The following PKP4 variants were observed in gnomAD, a reference collection of about 807,000 sequenced individuals.
PKP4 encodes plakophilin-4.
In PKP4, 90 loss-of-function variants were observed where a neutral mutation model predicts 145.1. That is an observed-to-expected ratio of 0.62 (90% confidence interval 0.52 to 0.74). The LOEUF (loss-of-function observed/expected upper bound fraction) is 0.74. Among genes scored for constraint, PKP4 ranks in the 30% least tolerant of loss-of-function variants. PKP4 has a pLI of 0.00. For synonymous variants in PKP4, 563 were observed against 577.2 expected, an observed-to-expected ratio of 0.98 and a Z score of 0.35; for missense variants, 1,340 against 1,482.7, an observed-to-expected ratio of 0.90 and a Z score of 1.58.
At chr2:158,631,318 A>G (rs2053336558) in intron 7 of PKP4, among the ~76,000 whole-genome samples, 1 of 152,126 alleles carries the variant, frequency 6.6e-6, no homozygotes, top group African/African-American at 2.4e-5. Context: ...TACTAGTTTT[A>G]GTGTTTAGAC....
chr2:158,648,048 G>T (rs1317397629), intron 11 of PKP4, among the ~76,000 whole-genome samples: 1 of 152,202 alleles, frequency 6.6e-6, no homozygotes, highest in Non-Finnish European at 1.5e-5. Context: ...CTGGAGGCCT[G>T]CTTTTTAATG....
intron 3 of PKP4, among the ~76,000 whole-genome samples, chr2:158,592,149 T>C (rs2049322306): frequency 1.3e-5 from 2 of 152,046 alleles, no homozygotes; most frequent in Non-Finnish European, 2.9e-5. Flanking sequence ...TTTTTTCTGC[T>C]TCATTCCCCT....
chr2:158,506,006 A>C (rs1463635128), intron 1 of PKP4, among the ~76,000 whole-genome samples: 1 of 152,192 alleles, frequency 6.6e-6, no homozygotes, highest in African/African-American at 2.4e-5. Context: ...AATAAGCCTG[A>C]ACTTTTTCCC....
intron 3 of PKP4, among the ~76,000 whole-genome samples, chr2:158,600,828 G>T (rs1462526632): frequency 6.6e-6 from 1 of 152,068 alleles, no homozygotes; most frequent in Non-Finnish European, 1.5e-5. Context: ...TTTTTCTAAT[G>T]ATTTATATAT....
intron 9 of PKP4, among the ~76,000 whole-genome samples, chr2:158,635,290 T>G (rs1046543033): frequency 1.3e-5 from 2 of 152,196 alleles, no homozygotes; most frequent in Non-Finnish European, 2.9e-5. Context: ...CTTATTCACT[T>G]CTATTCCTGA....
In PKP4 at chr2:158,661,436, G is replaced by A. The variant is rs150523614; in HGVS notation, c.2197G>A (p.Asp733Asn). ...YVIHTCVNTSDYDSKTVENCV... is the reference protein window; with the variant it reads ...YVIHTCVNTSNYDSKTVENCV... Reference sequence around the variant, plus strand: ...GATCCACACGTGTGTGAACACATCCGATTACGACAGCAAGGTCAGTGCCGG... The same window carrying A: ...GATCCACACGTGTGTGAACACATCCAATTACGACAGCAAGGTCAGTGCCGG... The change falls in exon 13 of 22, where the codon GAT (aspartate) becomes AAT (asparagine). Residue 733 changes from aspartate to asparagine, a missense_variant. Physicochemically the swap from Asp to Asn is conservative, Grantham distance 23 (BLOSUM62 1). Transcript: ENST00000389759. The A allele has an allele frequency of 1.6e-5, 25 of 1,609,334 alleles. No homozygotes were observed. The highest frequency in any genetic ancestry group is 1.1e-4 in the African/African-American group (8 of 74,824).
At chr2:158,585,987 T>C (rs1166289970) in intron 3 of PKP4, among the ~76,000 whole-genome samples, 3 of 151,998 alleles carry the variant, frequency 2.0e-5, no homozygotes, top group Non-Finnish European at 4.4e-5. Flanking sequence ...TGGATTTGCC[T>C]ATTCTCAACA....
At chr2:158,500,803 T>C (rs947425364) in intron 1 of PKP4, among the ~76,000 whole-genome samples, 2 of 152,224 alleles carry the variant, frequency 1.3e-5, no homozygotes, top group African/African-American at 4.8e-5. Flanking sequence ...GTCCTCATAT[T>C]CTGAGCTCCT....
At chr2:158,572,606 C>G (rs1296578712) in intron 2 of PKP4, among the ~76,000 whole-genome samples, 1 of 152,192 alleles carries the variant, frequency 6.6e-6, no homozygotes, top group Non-Finnish European at 1.5e-5. Flanking sequence ...CTTGCCAAAA[C>G]TACAACATTG....
chr2:158,617,884 CAG>C (rs1266073992), intron 4 of PKP4, among the ~76,000 whole-genome samples: 2 of 152,160 alleles, frequency 1.3e-5, no homozygotes, highest in Non-Finnish European at 2.9e-5. Flanking sequence ...ACTAAGGAAA[CAG>C]AAAAATAACT....
At chr2:158,633,846 T>C (rs1205297568) in intron 8 of PKP4, among the ~76,000 whole-genome samples, 1 of 152,244 alleles carries the variant, frequency 6.6e-6, no homozygotes, top group Non-Finnish European at 1.5e-5. Context: ...ATTTGTAGTT[T>C]CACTTTTGCT....
At chr2:158,635,024 A>C (rs2053687292) in intron 9 of PKP4, among the ~76,000 whole-genome samples, 1 of 122,170 alleles carries the variant, frequency 8.2e-6, no homozygotes, top group Non-Finnish European at 1.7e-5. Context: ...TTTCTGAAAG[A>C]GTGAAATTGT....
intron 1 of PKP4, among the ~76,000 whole-genome samples, chr2:158,505,747 T>C (rs187332182): frequency 9.7e-4 from 147 of 151,946 alleles, no homozygotes; most frequent in African/African-American, 3.4e-3. Context: ...CTCAGCAGAA[T>C]GAAGGAAGAG....
chr2:158,599,375 C>T (rs1383169541), intron 3 of PKP4, among the ~76,000 whole-genome samples: 3 of 152,316 alleles, frequency 2.0e-5, no homozygotes, highest in East Asian at 3.9e-4. Flanking sequence ...TAAACAAGGC[C>T]ACCTGCCATA....
intron 1 of PKP4, among the ~76,000 whole-genome samples, chr2:158,490,692 A>G (rs1380332430): frequency 6.6e-6 from 1 of 152,230 alleles, no homozygotes; most frequent in Non-Finnish European, 1.5e-5. Flanking sequence ...TAAGGAGGGC[A>G]TGAGTCTCTG....
intron 1 of PKP4, among the ~76,000 whole-genome samples, chr2:158,531,793 A>G (rs2043574505): frequency 6.6e-6 from 1 of 152,188 alleles, no homozygotes; most frequent in African/African-American, 2.4e-5. Flanking sequence ...TGCAGTTCAA[A>G]GTCTATCTAG....
chr2:158,476,540 A>G lies in PKP4; in HGVS notation c.-6+19322A>G, dbSNP rs184121590. On this transcript the variant is annotated intron_variant, in intron 1 of 21. Coordinates refer to ENST00000389759, the MANE Select transcript of PKP4 (RefSeq NM_003628.6). The stretch of plus-strand genomic sequence containing the variant: ...GAGACAGAATTTCGCTGTGTTGCCA[A>G]GGTTAGTCTTGAACTTCTGACCTCA... Among the ~76,000 whole-genome samples, 63 of 152,078 alleles carry G rather than the reference A, an allele frequency of 4.1e-4. No homozygotes were observed. In the East Asian group the frequency reaches 0.012, roughly 29 times the overall value.
chr2:158,586,073 G>A (rs184445334), intron 3 of PKP4, among the ~76,000 whole-genome samples: 1 of 151,948 alleles, frequency 6.6e-6, no homozygotes, highest in African/African-American at 2.4e-5. Flanking sequence ...AATTTTCAAG[G>A]TTCCTCCATG....
chr2:158,529,809 A>G (rs896624641), intron 1 of PKP4, among the ~76,000 whole-genome samples: 1 of 152,214 alleles, frequency 6.6e-6, no homozygotes, highest in Non-Finnish European at 1.5e-5. Flanking sequence ...GAGGCAGCTC[A>G]TTACTGCAGT....
Sources: gnomAD v4.1 joint callset for allele counts (sites outside exome capture counted in the v4.1 genomes callset) on GRCh38, gnomAD v4.1.1 for gene constraint, MANE v1.5 for transcripts, NCBI Gene and HGNC (gene_info 2026-07-23, HGNC 2026-07-21) for gene names.